LDB2: variants seen among roughly 807,000 people sequenced by gnomAD.
LDB2 encodes the protein LIM domain-binding protein 2.
A neutral mutation model predicts 44.3 loss-of-function variants in LDB2; 12 were observed. The observed-to-expected ratio is 0.27, with a 90% CI of 0.17 to 0.44. The LOEUF is 0.44. Ranked by LOEUF, LDB2 falls within the 20% of genes least tolerant of loss-of-function variation. The pLI, the probability that LDB2 is intolerant of heterozygous loss-of-function variation, is 1.00. For synonymous variants in LDB2, 164 were observed against 174.8 expected (o/e 0.94, Z 0.49); for missense variants, 344 against 473.5 (o/e 0.73, Z 2.54).
At chr4:16,540,400 T>C (rs55961902) in intron 5 of LDB2, among the ~76,000 whole-genome samples, 39,914 of 152,038 alleles carry the variant, frequency 0.26, 5,402 homozygotes, top group East Asian at 0.39. Context: ...AAAATGTGTT[T>C]ATTAAATTAA....
chr4:16,756,225 G>A (rs757484512), intron 2 of LDB2, among the ~76,000 whole-genome samples: 3 of 152,168 alleles, frequency 2.0e-5, no homozygotes, highest in Non-Finnish European at 4.4e-5. Flanking sequence ...CTGGGCTGGT[G>A]GATCACTTCG....
chr4:16,831,707 T>C (rs1162914976), intron 1 of LDB2, among the ~76,000 whole-genome samples: 6 of 152,218 alleles, frequency 3.9e-5, no homozygotes, highest in African/African-American at 9.6e-5. Flanking sequence ...TCTTTTTTTC[T>C]CAGTAATTGG....
At chr4:16,532,739 A>C (rs139116831) in intron 5 of LDB2, among the ~76,000 whole-genome samples, 1 of 152,306 alleles carries the variant, frequency 6.6e-6, no homozygotes, top group East Asian at 1.9e-4. Flanking sequence ...TCCGAATAAT[A>C]ACCATTATGG....
chr4:16,790,568 C>T lies in LDB2; in HGVS notation c.133-31308G>A, dbSNP rs145184226. Among the ~76,000 whole-genome samples the T allele has an allele frequency of 3.9e-3, 599 of 152,252 alleles. 2 individuals carry two copies. Among genetic ancestry groups the T allele is most frequent in the Non-Finnish European group, 5.6e-3 (381 of 68,026 alleles). On this transcript the variant is annotated intron_variant, in intron 1 of 7. Transcript: ENST00000304523. ...AGGTTTGTGTACGTACACTCCATGACGTTTGCATAACAACAAGATCACCTA... is the reference window on the plus strand; with the variant it reads ...AGGTTTGTGTACGTACACTCCATGATGTTTGCATAACAACAAGATCACCTA...
chr4:16,617,710 G>T (rs1365606528), intron 2 of LDB2, among the ~76,000 whole-genome samples: 1 of 152,124 alleles, frequency 6.6e-6, no homozygotes, highest in Admixed American at 6.5e-5. Flanking sequence ...ACAAATTCAG[G>T]TTTCTATGGT....
At chr4:16,692,028 G>T (rs551009203) in intron 2 of LDB2, among the ~76,000 whole-genome samples, 1 of 152,168 alleles carries the variant, frequency 6.6e-6, no homozygotes, top group South Asian at 2.1e-4. Context: ...TGCTGAATCT[G>T]TGGCATTGGT....
intron 2 of LDB2, among the ~76,000 whole-genome samples, chr4:16,638,828 TAAGAC>T (rs1734334938): frequency 6.7e-6 from 1 of 148,520 alleles, no homozygotes; most frequent in Non-Finnish European, 1.5e-5. Flanking sequence ...ATTGATACAC[TAAGAC>T]AAGAGCAATG....
At chr4:16,713,243 T>C (rs1756331824) in intron 2 of LDB2, among the ~76,000 whole-genome samples, 1 of 152,240 alleles carries the variant, frequency 6.6e-6, no homozygotes, top group Non-Finnish European at 1.5e-5. Context: ...GATGGAAGTA[T>C]TCTAAAACCG....
At chr4:16,864,890 A>C (rs1714131951) in intron 1 of LDB2, among the ~76,000 whole-genome samples, 1 of 151,842 alleles carries the variant, frequency 6.6e-6, no homozygotes, top group African/African-American at 2.4e-5. Context: ...ATGCCACTTC[A>C]CTCCAGCCTG....
At chr4:16,890,048 A>G (rs747362450) in intron 1 of LDB2, among the ~76,000 whole-genome samples, 3 of 152,162 alleles carry the variant, frequency 2.0e-5, no homozygotes, top group Non-Finnish European at 4.4e-5. Context: ...TACTTAGCTG[A>G]GTTATTACAA....
At chr4:16,557,789 C>T (rs956491561) in intron 5 of LDB2, among the ~76,000 whole-genome samples, 3 of 152,198 alleles carry the variant, frequency 2.0e-5, no homozygotes, top group African/African-American at 4.8e-5. Flanking sequence ...CCCCTGACCC[C>T]TGAGCAGCCT....
chr4:16,518,760 G>C (rs1215159225), intron 5 of LDB2, among the ~76,000 whole-genome samples: 3 of 152,222 alleles, frequency 2.0e-5, no homozygotes, highest in Admixed American at 2.0e-4. Context: ...ATAGGATAAA[G>C]AGCTTGAGGC....
At chr4:16,703,059 A>C (rs1200701282) in intron 2 of LDB2, among the ~76,000 whole-genome samples, 4 of 152,182 alleles carry the variant, frequency 2.6e-5, no homozygotes, top group Non-Finnish European at 5.9e-5. Flanking sequence ...TCATTTATCC[A>C]GCGTCTTCTG....
At chr4:16,651,423 AT>A (rs1446205656) in intron 2 of LDB2, among the ~76,000 whole-genome samples, 1 of 152,190 alleles carries the variant, frequency 6.6e-6, no homozygotes, top group Non-Finnish European at 1.5e-5. Flanking sequence ...TTTCATAAAT[AT>A]TTTCACATGG....
intron 2 of LDB2, among the ~76,000 whole-genome samples, chr4:16,756,797 G>C (rs1446417189): frequency 1.3e-5 from 2 of 151,854 alleles, no homozygotes; most frequent in African/African-American, 4.8e-5. Flanking sequence ...GCCTATTACA[G>C]GATTTATGGC....
At chr4:16,739,589 A>ATATATATATATATATATAT (rs56104433) in intron 2 of LDB2, among the ~76,000 whole-genome samples, 1 of 64,332 alleles carries the variant, frequency 1.6e-5, no homozygotes, top group African/African-American at 6.6e-5. Context: ...AAAAAAAAAA[A>ATATATATATATATATATAT]ATATATATAT....
At chr4:16,542,816 G>A (rs549940212) in intron 5 of LDB2, among the ~76,000 whole-genome samples, 38 of 151,562 alleles carry the variant, frequency 2.5e-4, no homozygotes, top group Admixed American at 2.0e-3. Flanking sequence ...TACTTCTAGC[G>A]TACAATGTGC....
At chr4:16,818,348 C>T (rs1212030803) in intron 1 of LDB2, among the ~76,000 whole-genome samples, 1 of 152,170 alleles carries the variant, frequency 6.6e-6, no homozygotes, top group Non-Finnish European at 1.5e-5. Context: ...CCCAACACAG[C>T]CCCACTCCAG....
chr4:16,567,393 TGC>T (rs1744914605), intron 5 of LDB2, among the ~76,000 whole-genome samples: 1 of 11,846 alleles, frequency 8.4e-5, no homozygotes, highest in African/African-American at 1.6e-4. Flanking sequence ...TGCGCGTGTG[TGC>T]ATGCGTGTGT....
Sources: gnomAD v4.1 joint callset for allele counts (sites outside exome capture counted in the v4.1 genomes callset) on GRCh38, gnomAD v4.1.1 for gene constraint, MANE v1.5 for transcripts, NCBI Gene and HGNC (gene_info 2026-07-23, HGNC 2026-07-21) for gene names.